HASPIN: variants seen among roughly 807,000 people sequenced by gnomAD.
HASPIN encodes serine/threonine-protein kinase haspin.
A neutral mutation model predicts 28.8 loss-of-function variants in HASPIN; 24 were observed. The ratio of observed to expected loss-of-function variants is 0.83; its 90% CI spans 0.60 to 1.17. The LOEUF (loss-of-function observed/expected upper bound fraction) is 1.17, where lower values mean the gene tolerates loss of function less well. Ranked by LOEUF, HASPIN falls within the 50% of genes most tolerant of loss-of-function variation. HASPIN has a pLI of 0.00. For missense variants in HASPIN, 1,016 were observed against 1,018.5 expected, an observed-to-expected ratio of 1.00 and a Z score of 0.03; for synonymous variants, 440 against 413.1, an observed-to-expected ratio of 1.07 and a Z score of -0.79.
chr17:3,725,764 T>C lies in HASPIN; in HGVS notation c.1829T>C (p.Ile610Thr), dbSNP rs2051195028. Residue 610 changes from isoleucine (I) to threonine (T), a missense_variant, in exon 1 of 1, where the codon ATT (isoleucine) becomes ACT (threonine). Ile to Thr is a moderately conservative substitution (Grantham distance 89). Transcript: ENST00000325418. The part of the protein sequence containing the change: ...FIVLEFEFGG[I>T]DLEQMRTKLS... ...GTGCTGGAATTTGAGTTTGGAGGGA[T>C]TGACTTAGAGCAAATGCGAACCAAG... The C allele has an allele frequency of 6.3e-7, 1 of 1,593,226 alleles. No homozygotes were observed. The highest frequency in any genetic ancestry group is 8.6e-7 in the Non-Finnish European group (1 of 1,168,180).
Position 3,724,353 on chromosome 17 carries a change from A to T in HASPIN, c.418A>T (p.Ser140Cys). ...CCCGCTCCGACTTCCGCCCTTCCCC[A>T]GCCGCGACTCCGGCCGCCTCAGCCC... is the stretch of plus-strand genomic sequence containing the variant. Reference protein sequence around the residue: ...CGPLRLPPFPSRDSGRLSPDL... With the variant: ...CGPLRLPPFPCRDSGRLSPDL... Residue 140 changes from serine to cysteine, a missense_variant, in exon 1 of 1, where the codon AGC becomes TGC. Around this residue, in one of 3 missense-constraint regions of HASPIN, gnomAD observed 881 missense variants for 845.5 expected, o/e 1.04. Coordinates refer to ENST00000325418, the MANE Select transcript of HASPIN (RefSeq NM_031965.2). The T allele has an allele frequency of 6.3e-7, 1 of 1,599,690 alleles. No homozygotes were observed. The highest frequency in any genetic ancestry group is 1.7e-4 in the Middle Eastern group (1 of 6,044).
In HASPIN at chr17:3,724,934, A is replaced by G; in HGVS notation, c.999A>G (p.Arg333=). The part of the protein sequence containing the change: ...IVPRGIDRLE[R]TRSSRKSKHQ... The stretch of plus-strand genomic sequence containing the variant: ...CAAGGGGAATAGACAGGCTGGAGAG[A>G]ACTAGATCAAGCCGGAAGAGCAAAC... Residue 333 remains arginine, a synonymous_variant, in exon 1 of 1, where the codon AGA becomes AGG. Coordinates refer to ENST00000325418, the MANE Select transcript of HASPIN (RefSeq NM_031965.2). 1.2e-6 allele frequency: 2 copies of G among 1,613,728 alleles called. No homozygotes were observed. The highest frequency in any genetic ancestry group is 1.1e-5 in the South Asian group (1 of 91,044).
At position 3,726,377 on chromosome 17, in the gene HASPIN, G is replaced by C. The variant is rs1399790287; in HGVS notation, c.*45G>C. On this transcript the variant is annotated 3_prime_UTR_variant, in exon 1 of 1. Transcript: ENST00000325418. ...CCCGAAATGAGAGGAGACTGGTCTTGAAGCCTCTGGTGCTGTTTCAACCTC... is the reference window on the plus strand; with the variant it reads ...CCCGAAATGAGAGGAGACTGGTCTTCAAGCCTCTGGTGCTGTTTCAACCTC... 1.5e-6 allele frequency: 2 copies of C among 1,365,188 alleles called. No individual in the cohort carries two copies. Among genetic ancestry groups the C allele is most frequent in the South Asian group, 2.6e-5 (2 of 75,616 alleles). 84.6% of individuals were successfully genotyped at this position (1,365,188 alleles called of 1,614,324 possible).
Position 3,724,849 on chromosome 17 carries a change from T to C in HASPIN, c.914T>C (p.Leu305Pro). Residue 305 changes from leucine (L) to proline (P), a missense_variant, in exon 1 of 1, where the codon CTT (leucine) becomes CCT (proline). Coordinates refer to ENST00000325418, the MANE Select transcript of HASPIN (RefSeq NM_031965.2). Reference protein sequence around the residue: ...TGQDSCQERGLQEAVRREHQE... With the variant: ...TGQDSCQERGPQEAVRREHQE... The stretch of plus-strand genomic sequence containing the variant: ...CAGGACTCTTGTCAAGAGAGAGGGC[T>C]TCAAGAGGCCGTCCGGAGAGAGCAT... The C allele has an allele frequency of 6.2e-7, 1 of 1,614,002 alleles. No individual in the cohort carries two copies. The highest frequency in any genetic ancestry group is 8.5e-7 in the Non-Finnish European group (1 of 1,180,034).
chr17:3,726,063 C>A lies in HASPIN; in HGVS notation c.2128C>A (p.Leu710Met), dbSNP rs559414438. 12 of 1,614,194 alleles carry A rather than the reference C, an allele frequency of 7.4e-6. No homozygotes were observed. Among genetic ancestry groups the A allele is most frequent in the Non-Finnish European group, 1.0e-5 (12 of 1,180,046 alleles). Reference sequence around the variant, plus strand: ...CTGTGACGTTTCCATGGATGAGGACCTGTTTACCGGTGACGGTGACTACCA... The same window carrying A: ...CTGTGACGTTTCCATGGATGAGGACATGTTTACCGGTGACGGTGACTACCA... ...VFCDVSMDED[L>M]FTGDGDYQFD... The change falls in exon 1 of 1, where the codon CTG (leucine) becomes ATG (methionine). Residue 710 changes from leucine (L) to methionine (M), a missense_variant. Coordinates refer to ENST00000325418, the MANE Select transcript of HASPIN (RefSeq NM_031965.2).
chr17:3,724,932 A>C lies in HASPIN; in HGVS notation c.997A>C (p.Arg333=). Residue 333 remains arginine, a synonymous_variant, in exon 1 of 1, where the codon AGA becomes CGA. Coordinates refer to ENST00000325418, the MANE Select transcript of HASPIN (RefSeq NM_031965.2). Reference sequence around the variant, plus strand: ...GCCAAGGGGAATAGACAGGCTGGAGAGAACTAGATCAAGCCGGAAGAGCAA... The same window carrying C: ...GCCAAGGGGAATAGACAGGCTGGAGCGAACTAGATCAAGCCGGAAGAGCAA... ...IVPRGIDRLE[R]TRSSRKSKHQ... The C allele has an allele frequency of 6.2e-7, 1 of 1,613,756 alleles. No homozygotes were observed.
In HASPIN at chr17:3,726,320, T is replaced by C. The variant is rs2051211702; in HGVS notation, c.2385T>C (p.Ser795=). ...SSATDLLCQH[S]LFK ...CCACTGACTTGCTCTGCCAGCACAG[T>C]CTGTTTAAGTAAGCTAAATGTATCT... The change falls in exon 1 of 1, where the codon AGT becomes AGC. Residue 795 remains serine, a synonymous_variant. Coordinates refer to ENST00000325418, the MANE Select transcript of HASPIN (RefSeq NM_031965.2). 6.2e-7 allele frequency: 1 copy of C among 1,609,788 alleles called. No individual in the cohort carries two copies. Among genetic ancestry groups the C allele is most frequent in the Non-Finnish European group, 8.5e-7 (1 of 1,177,086 alleles).
At position 3,724,244 on chromosome 17, in the gene HASPIN, G is replaced by T; in HGVS notation, c.309G>T (p.Leu103=). ...SLTVTPKRWK[L]RARPSLTVTP... Reference sequence around the variant, plus strand: ...CCGTGACCCCAAAGCGCTGGAAGCTGCGAGCTCGCCCAAGCCTAACCGTGA... The same window carrying T: ...CCGTGACCCCAAAGCGCTGGAAGCTTCGAGCTCGCCCAAGCCTAACCGTGA... The change falls in exon 1 of 1, where the codon CTG becomes CTT. Residue 103 remains leucine, a synonymous_variant. Transcript: ENST00000325418. 1 of 1,593,206 alleles carries T rather than the reference G, an allele frequency of 6.3e-7. No homozygotes were observed. Among genetic ancestry groups the T allele is most frequent in the Non-Finnish European group, 8.5e-7 (1 of 1,177,234 alleles).
Position 3,725,587 on chromosome 17 carries a change from A to G in HASPIN, c.1652A>G (p.Asn551Ser). The change falls in exon 1 of 1, where the codon AAC becomes AGC. Residue 551 changes from asparagine (N) to serine (S), a missense_variant. Around this residue, in one of 3 missense-constraint regions of HASPIN, gnomAD observed 881 missense variants for 845.5 expected, o/e 1.04. Coordinates refer to ENST00000325418, the MANE Select transcript of HASPIN (RefSeq NM_031965.2). Reference sequence around the variant, plus strand: ...AGCCTCTTATCCGGTGAAGTGTGCAACCGCACAGAAGGCTTTATCGGGCTG... The same window carrying G: ...AGCCTCTTATCCGGTGAAGTGTGCAGCCGCACAGAAGGCTTTATCGGGCTG... Reference protein sequence around the residue: ...ELSLLSGEVCNRTEGFIGLNS... With the variant: ...ELSLLSGEVCSRTEGFIGLNS... 3 of 1,614,188 alleles carry G rather than the reference A, an allele frequency of 1.9e-6. No individual in the cohort carries two copies. The highest frequency in any genetic ancestry group is 2.2e-5 in the East Asian group (1 of 44,880).
In HASPIN at chr17:3,726,056, T is replaced by C; in HGVS notation, c.2121T>C (p.Asp707=). Residue 707 remains aspartate (D), a synonymous_variant, in exon 1 of 1, where the codon GAT becomes GAC. Transcript: ENST00000325418. ...GIVVFCDVSM[D]EDLFTGDGDY... Reference sequence around the variant, plus strand: ...TGGTTTTCTGTGACGTTTCCATGGATGAGGACCTGTTTACCGGTGACGGTG... The same window carrying C: ...TGGTTTTCTGTGACGTTTCCATGGACGAGGACCTGTTTACCGGTGACGGTG... 3.1e-6 allele frequency: 5 copies of C among 1,614,170 alleles called. No individual in the cohort carries two copies. Among genetic ancestry groups the C allele is most frequent in the Non-Finnish European group, 4.2e-6 (5 of 1,180,036 alleles).
rs776081668 is a variant in HASPIN, at chr17:3,725,923, A to G, written c.1988A>G (p.Lys663Arg). The G allele has an allele frequency of 2.5e-6, 4 of 1,613,592 alleles. No individual in the cohort carries two copies. The East Asian group carries it at 8.9e-5, about 36-fold the overall frequency. ...GNVLLKKTSL[K>R]KLHYTLNGKS... ...GTGCTCTTAAAGAAAACCAGCCTCA[A>G]AAAACTCCACTACACCCTCAATGGG... The change falls in exon 1 of 1, where the codon AAA becomes AGA. Residue 663 changes from lysine to arginine, a missense_variant. Coordinates refer to ENST00000325418, the MANE Select transcript of HASPIN (RefSeq NM_031965.2).
chr17:3,726,072 G>A lies in HASPIN; in HGVS notation c.2137G>A (p.Gly713Ser), dbSNP rs747675114. The change falls in exon 1 of 1, where the codon GGT becomes AGT. Residue 713 changes from glycine (G) to serine (S), a missense_variant. This residue lies in a region of HASPIN where 129 missense variants were observed against 156.2 expected (regional missense o/e 0.83). Transcript: ENST00000325418. The stretch of plus-strand genomic sequence containing the variant: ...TTCCATGGATGAGGACCTGTTTACC[G>A]GTGACGGTGACTACCAGTTTGACAT... Reference protein sequence around the residue: ...DVSMDEDLFTGDGDYQFDIYR... With the variant: ...DVSMDEDLFTSDGDYQFDIYR... 50 of 1,614,160 alleles carry A rather than the reference G, an allele frequency of 3.1e-5. No individual in the cohort carries two copies. The highest frequency in any genetic ancestry group is 1.8e-4 in the Admixed American group (11 of 60,016).
chr17:3,725,454 C>A lies in HASPIN; in HGVS notation c.1519C>A (p.Pro507Thr). 1.2e-6 allele frequency: 2 copies of A among 1,614,208 alleles called. No individual in the cohort carries two copies. Among genetic ancestry groups the A allele is most frequent in the Non-Finnish European group, 1.7e-6 (2 of 1,180,034 alleles). The change falls in exon 1 of 1, where the codon CCC (proline) becomes ACC (threonine). Residue 507 changes from proline to threonine, a missense_variant. This residue lies in a region of HASPIN where 881 missense variants were observed against 845.5 expected (regional missense o/e 1.04). Coordinates refer to ENST00000325418, the MANE Select transcript of HASPIN (RefSeq NM_031965.2). Reference protein sequence around the residue: ...EVFQTIADHTPVAIKIIAIEG... With the variant: ...EVFQTIADHTTVAIKIIAIEG... ...GTTTCAAACAATTGCTGATCACACA[C>A]CCGTAGCCATAAAAATCATTGCTAT...
Position 3,724,449 on chromosome 17 carries a change from C to T in HASPIN, c.514C>T (p.Leu172=), listed in dbSNP as rs184808315. The T allele has an allele frequency of 1.9e-6, 3 of 1,613,692 alleles. No homozygotes were observed. In the East Asian group the frequency reaches 6.7e-5, roughly 36 times the overall value. Residue 172 remains leucine (L), a synonymous_variant, in exon 1 of 1, where the codon CTG becomes TTG. Coordinates refer to ENST00000325418, the MANE Select transcript of HASPIN (RefSeq NM_031965.2). ...CATCAGTGCCTCCCTGTTCAGCTCT[C>T]TGGCCTCGCCCTGCCCCGGGTCCCC... is the stretch of plus-strand genomic sequence containing the variant. ...LGISASLFSS[L]ASPCPGSPTP...
chr17:3,725,652 C>G lies in HASPIN; in HGVS notation c.1717C>G (p.Leu573Val), dbSNP rs1395505979. The stretch of plus-strand genomic sequence containing the variant: ...TGTCCAGGGATCTTACCCTCCCTTG[C>G]TCCTCAAAGCCTGGGATCACTATAA... Reference protein sequence around the residue: ...HCVQGSYPPLLLKAWDHYNST... With the variant: ...HCVQGSYPPLVLKAWDHYNST... The change falls in exon 1 of 1, where the codon CTC (leucine) becomes GTC (valine). Residue 573 changes from leucine to valine, a missense_variant. Leu to Val is a conservative substitution (Grantham distance 32). This residue lies in a region of HASPIN where 881 missense variants were observed against 845.5 expected (regional missense o/e 1.04). Transcript: ENST00000325418. 1 of 1,599,958 alleles carries G rather than the reference C, an allele frequency of 6.3e-7. No homozygotes were observed. Among genetic ancestry groups the G allele is most frequent in the Admixed American group, 1.7e-5 (1 of 58,388 alleles).
In HASPIN at chr17:3,724,313, C is replaced by A. The variant is rs2051152171; in HGVS notation, c.378C>A (p.Cys126Ter). Reference protein sequence around the residue: ...LGLRARPPQKCSTPCGPLRLP... With the variant: ...LGLRARPPQK ...TGCGAGCTCGGCCCCCGCAGAAGTGCAGCACACCCTGCGGCCCGCTCCGAC... is the reference window on the plus strand; with the variant it reads ...TGCGAGCTCGGCCCCCGCAGAAGTGAAGCACACCCTGCGGCCCGCTCCGAC... Residue 126 changes from cysteine (C) to a stop codon, truncating the protein, a stop_gained, in exon 1 of 1, where the codon TGC becomes TGA. Transcript: ENST00000325418. LOFTEE classifies it low-confidence loss of function (END_TRUNC). 6.3e-7 allele frequency: 1 copy of A among 1,588,156 alleles called. No individual in the cohort carries two copies. The highest frequency in any genetic ancestry group is 8.5e-7 in the Non-Finnish European group (1 of 1,173,628).
In HASPIN at chr17:3,724,670, C is replaced by T. The variant is rs562602766; in HGVS notation, c.735C>T (p.Leu245=). 8.8e-5 allele frequency: 142 copies of T among 1,614,208 alleles called. No individual in the cohort carries two copies. The South Asian group carries it at 1.5e-3, about 17-fold the overall frequency. ...HQTRASLRSV[L]FGLMNSGTPE... is the part of the protein sequence containing the mutation. The stretch of plus-strand genomic sequence containing the variant: ...CCCGCGCCAGCCTCAGGTCAGTTCT[C>T]TTTGGCCTTATGAACTCAGGAACCC... Residue 245 remains leucine (L), a synonymous_variant, in exon 1 of 1, where the codon CTC becomes CTT. Transcript: ENST00000325418.
In HASPIN at chr17:3,724,396, G is replaced by A. The variant is rs771455146; in HGVS notation, c.461G>A (p.Gly154Asp). 1.2e-6 allele frequency: 2 copies of A among 1,610,400 alleles called. No individual in the cohort carries two copies. The highest frequency in any genetic ancestry group is 3.3e-5 in the Admixed American group (2 of 59,764). Residue 154 changes from glycine (G) to aspartate (D), a missense_variant, in exon 1 of 1, where the codon GGC becomes GAC. This residue lies in a region of HASPIN where 881 missense variants were observed against 845.5 expected (regional missense o/e 1.04). Transcript: ENST00000325418. ...GRLSPDLSVC[G>D]QPRDGDELGI... Reference sequence around the variant, plus strand: ...CTCAGCCCGGACCTCAGCGTGTGCGGCCAGCCCAGGGACGGCGACGAGCTG... The same window carrying A: ...CTCAGCCCGGACCTCAGCGTGTGCGACCAGCCCAGGGACGGCGACGAGCTG...
rs751271921 is a variant in HASPIN, at chr17:3,723,931, C to T, written c.-5C>T. ...TGCGTTTGAACCTCTTGGCGGGTGC[C>T]GGCCATGGCGGCTTCGCTCCCGGGA... On this transcript the variant is annotated 5_prime_UTR_variant, in exon 1 of 1. Transcript: ENST00000325418. 3 of 1,541,786 alleles carry T rather than the reference C, an allele frequency of 1.9e-6. No homozygotes were observed. The highest frequency in any genetic ancestry group is 2.4e-5 in the South Asian group (2 of 81,850).
Sources: allele counts gnomAD v4.1 joint callset, GRCh38; gene constraint gnomAD v4.1.1; regional missense constraint gnomAD v4.1.1; transcripts MANE v1.5; gene names NCBI Gene and HGNC (gene_info 2026-07-23, HGNC 2026-07-21).